Variants in RPL6 observed in about 807,000 individuals in gnomAD.
RPL6 encodes ribosomal protein L6, also known as large ribosomal subunit protein eL6.
RPL6 carries 1 observed loss-of-function variant against 32.1 expected under a neutral mutation model. The observed-to-expected ratio is 0.03, with a 90% CI of 0.01 to 0.15. The LOEUF is 0.15. Ranked by LOEUF, RPL6 falls within the 10% of genes least tolerant of loss-of-function variation. The probability of loss-of-function intolerance (pLI) is 1.00; values close to 1 mark genes in which losing one functional copy is unlikely to be tolerated. For synonymous variants in RPL6, 126 were observed against 131.6 expected (o/e 0.96, Z 0.29); for missense variants, 275 against 354.6 (o/e 0.78, Z 1.80).
chr12:112,410,256 C>A, upstream of RPL6: 1 of 236,052 alleles, frequency 4.2e-6, no homozygotes, highest in South Asian at 6.7e-5. Context: ...GAGGTCTGGG[C>A]TGCAGTGCAG....
chr12:112,415,347 C>T (rs568702345), upstream of RPL6, among the ~76,000 whole-genome samples: 1 of 152,098 alleles, frequency 6.6e-6, no homozygotes, highest in Non-Finnish European at 1.5e-5. Context: ...AGTGGGAGGA[C>T]TGCTTGAGGC....
At chr12:112,409,478 T>C (rs937941414) in intron 1 of RPL6, 109 bp downstream of exon 1, 25 of 398,600 alleles carry the variant, frequency 6.3e-5, no homozygotes, top group Admixed American at 2.2e-4. Context: ...TCAGTTAGCC[T>C]TGGACATGTC....
Position 112,418,083 on chromosome 12 carries a change from G to T in RPL6, c.-229+645C>A, listed in dbSNP as rs537978139. Among the ~76,000 whole-genome samples the T allele has an allele frequency of 3.0e-4, 45 of 150,008 alleles. 1 individual carries two copies. The highest frequency in any genetic ancestry group is 1.1e-3 in the African/African-American group (43 of 40,800). On this transcript the variant is annotated intron_variant, in intron 1 of 5. Coordinates refer to the RPL6 transcript ENST00000551291. Reference sequence around the variant, plus strand: ...CAACCTCTGCCTCCCGGGTTCAAGCGATTCTCCTGCTTCAGACTCCCAAGC... The same window carrying T: ...CAACCTCTGCCTCCCGGGTTCAAGCTATTCTCCTGCTTCAGACTCCCAAGC...
At chr12:112,411,745 A>G (rs2037343433), upstream of RPL6, among the ~76,000 whole-genome samples, 1 of 152,210 alleles carries the variant, frequency 6.6e-6, no homozygotes, top group African/African-American at 2.4e-5. Flanking sequence ...AAAATTTACA[A>G]TTCATTAGTT....
At chr12:112,405,470 C>T (rs2037133995) in intron 6 of RPL6, 94 bp from the exon 7 acceptor site, 2 of 1,232,002 alleles carry the variant, frequency 1.6e-6, no homozygotes, top group Non-Finnish European at 2.3e-6. Flanking sequence ...TACTAATCCC[C>T]AAGAATATTT....
exon 1 of RPL6, chr12:112,418,811 C>T (rs1594118910): frequency 8.5e-6 from 4 of 468,618 alleles, no homozygotes; most frequent in South Asian, 2.7e-5. Context: ...CGCTGCCATT[C>T]CCGGCCGTCG....
chr12:112,415,418 A>T (rs1043084789), intron 1 of RPL6, among the ~76,000 whole-genome samples: 3 of 152,166 alleles, frequency 2.0e-5, no homozygotes, highest in Admixed American at 1.3e-4. Flanking sequence ...AAATTTTTTT[A>T]AACTTTTTTT....
upstream of RPL6, among the ~76,000 whole-genome samples, chr12:112,412,364 A>G (rs1271546452): frequency 6.6e-6 from 1 of 151,470 alleles, no homozygotes; most frequent in African/African-American, 2.4e-5. Flanking sequence ...TATTGGAGAC[A>G]GGATTTCACC....
Position 112,405,367 on chromosome 12 carries a change from T to A in RPL6, c.724A>T (p.Ile242Phe). 1.9e-6 allele frequency: 3 copies of A among 1,603,676 alleles called. No individual in the cohort carries two copies. Among genetic ancestry groups the A allele is most frequent in the Non-Finnish European group, 2.5e-6 (3 of 1,177,858 alleles). The change falls in exon 7 of 7, where the codon ATT (isoleucine) becomes TTT (phenylalanine). Residue 242 changes from isoleucine to phenylalanine, a missense_variant. Ile to Phe is a conservative substitution (Grantham distance 21). Coordinates refer to ENST00000202773, the MANE Select transcript of RPL6 (RefSeq NM_000970.6). Reference sequence around the variant, plus strand: ...TGATCAATCTTGCGCTGCTCCGTAATCTCATATTTCTAAATAAAGAGAAAA... The same window carrying A: ...TGATCAATCTTGCGCTGCTCCGTAAACTCATATTTCTAAATAAAGAGAAAA... The part of the protein sequence containing the change: ...IFDTEKEKYE[I>F]TEQRKIDQKA...
upstream of RPL6, among the ~76,000 whole-genome samples, chr12:112,412,277 G>C (rs1365402818): frequency 6.6e-6 from 1 of 152,066 alleles, no homozygotes; most frequent in Non-Finnish European, 1.5e-5. Context: ...CTGACCTCGT[G>C]ATCTGCCCGC....
chr12:112,409,307 T>A (rs1352096472), intron 1 of RPL6: 1 of 393,626 alleles, frequency 2.5e-6, no homozygotes, highest in Non-Finnish European at 4.5e-6. Context: ...CCCCGCTTCC[T>A]CTAACACCCA....
chr12:112,411,574 A>G (rs1324241695), upstream of RPL6: 1 of 152,214 alleles, frequency 6.6e-6, no homozygotes, highest in Non-Finnish European at 1.5e-5. Context: ...AATGTACCAC[A>G]ATGAATGAAT....
At chr12:112,413,407 G>A (rs544306738), upstream of RPL6, among the ~76,000 whole-genome samples, 38 of 152,050 alleles carry the variant, frequency 2.5e-4, no homozygotes, top group African/African-American at 5.3e-4. Flanking sequence ...GCATGGTGGC[G>A]GGTGCCTGTA....
intron 6 of RPL6, 115 bp downstream of exon 6, chr12:112,405,738 C>T: frequency 1.2e-6 from 1 of 853,970 alleles, no homozygotes; most frequent in South Asian, 1.9e-5. Flanking sequence ...TAAGTATCTC[C>T]CAGCATTCCT....
At chr12:112,409,532 G>A in intron 1 of RPL6, 55 bp downstream of exon 1, 1 of 398,586 alleles carries the variant, frequency 2.5e-6, no homozygotes, top group East Asian at 3.6e-5. Flanking sequence ...GGTTCGGATG[G>A]CGAAGGATTG....
intron 4 of RPL6, 49 bp downstream of exon 4, chr12:112,406,679 TGCAAACGCATTGCCACCAG>T: frequency 6.3e-7 from 1 of 1,589,728 alleles, no homozygotes. Context: ...ACACCTAGCG[TGCAAACGCATTGCCACCAG>T]GCACCCCAGG....
chr12:112,408,947 T>C (rs1247844006), intron 1 of RPL6: 4 of 375,424 alleles, frequency 1.1e-5, no homozygotes, highest in African/African-American at 2.1e-5. Flanking sequence ...CGTACAACCA[T>C]TATTTTTTAT....
At chr12:112,417,223 A>C (rs2037423742) in intron 1 of RPL6, among the ~76,000 whole-genome samples, 2 of 151,834 alleles carry the variant, frequency 1.3e-5, no homozygotes, top group Admixed American at 6.6e-5. Context: ...AAGCCCGACT[A>C]ATCTTTGTAT....
chr12:112,413,330 A>C (rs930584694), upstream of RPL6, among the ~76,000 whole-genome samples: 2 of 152,046 alleles, frequency 1.3e-5, no homozygotes, highest in Non-Finnish European at 2.9e-5. Flanking sequence ...AAGTCAGGAG[A>C]TCGAGACCAT....
Sources: gnomAD v4.1 joint callset for allele counts (sites outside exome capture counted in the v4.1 genomes callset) on GRCh38, gnomAD v4.1.1 for gene constraint, MANE v1.5 for transcripts, NCBI Gene and HGNC (gene_info 2026-07-23, HGNC 2026-07-21) for gene names.